SPTB: variants seen among roughly 807,000 people sequenced by gnomAD.
SPTB encodes the protein spectrin beta chain, erythrocytic.
Under a neutral mutation model 256.2 loss-of-function variants are expected in SPTB, and 45 were observed. The observed-to-expected ratio is 0.18, with a 90% CI of 0.14 to 0.23. The LOEUF (loss-of-function observed/expected upper bound fraction) is 0.23, where lower values mean the gene tolerates loss of function less well. Among genes scored for constraint, SPTB ranks in the 10% least tolerant of loss-of-function variants. The pLI is 1.00. For synonymous variants in SPTB, 1,231 were observed against 1,243.1 expected (o/e 0.99, Z 0.21); for missense variants, 2,715 against 3,040.4 (o/e 0.89, Z 2.52).
At position 64,841,709 on chromosome 14, in the gene SPTB, C is replaced by T. The variant is rs1027145774; in HGVS notation, c.-51-18564G>A. 9.9e-5 allele frequency among the ~76,000 whole-genome samples: 15 copies of T among 151,800 alleles called. No individual in the cohort carries two copies. Among genetic ancestry groups the T allele is most frequent in the Admixed American group, 9.2e-4 (14 of 15,236 alleles). Reference sequence around the variant, plus strand: ...TGGCAGAGTCAGAGGGAAATGTCTACGTCTAATCTCCCAGCTGCCCTCTGA... The same window carrying T: ...TGGCAGAGTCAGAGGGAAATGTCTATGTCTAATCTCCCAGCTGCCCTCTGA... On this transcript the variant is annotated intron_variant, in intron 1 of 35. Coordinates refer to ENST00000644917, the MANE Select transcript of SPTB (RefSeq NM_001355436.2). The surrounding 1 kb of genome is among the most constrained non-coding windows in gnomAD (Gnocchi z 4.6).
Position 64,749,114 on chromosome 14 carries a change from G to A in SPTB, c.*192C>T. On this transcript the variant is annotated 3_prime_UTR_variant, in exon 36 of 36. Transcript: ENST00000644917. The surrounding 1 kb of genome is among the most constrained non-coding windows in gnomAD (Gnocchi z 4.7). ...CCTGGAGCGGAGCCAGCGCGGGCGA[G>A]GGCATGGAGGGGGCGTCGGCCCAGG... 1.7e-6 allele frequency: 1 copy of A among 581,976 alleles called. No individual in the cohort carries two copies. Among genetic ancestry groups the A allele is most frequent in the Non-Finnish European group, 2.9e-6 (1 of 350,304 alleles). 36.1% of individuals were successfully genotyped at this position (581,976 alleles called of 1,614,324 possible). A position where few individuals can be genotyped will look rare whatever the true frequency, so the allele number is the denominator to read the frequency against.
intron 1 of SPTB, among the ~76,000 whole-genome samples, chr14:64,855,966 G>A (rs1039014402): frequency 5.3e-5 from 8 of 152,218 alleles, no homozygotes; most frequent in Admixed American, 2.6e-4. Context: ...GCAGAGCTGC[G>A]GAAGCACTGG....
At chr14:64,833,585 TACC>T (rs2083480096) in intron 1 of SPTB, among the ~76,000 whole-genome samples, 1 of 151,852 alleles carries the variant, frequency 6.6e-6, no homozygotes, top group South Asian at 2.1e-4. Flanking sequence ...CTCCCACGTC[TACC>T]ACCATCCCCT....
At position 64,878,773 on chromosome 14, in the gene SPTB, T is replaced by TC. The variant is rs907940602; in HGVS notation, c.-52+1018dup. ...TCAGTACAAAAAGGCTGTCACTATATCCCCCCACCCCACCCCCCAATCTGA... is the reference window on the plus strand; with the variant it reads ...TCAGTACAAAAAGGCTGTCACTATATCCCCCCCACCCCACCCCCCAATCTGA... On this transcript the variant is annotated intron_variant, in intron 1 of 35. Transcript: ENST00000644917. Among the ~76,000 whole-genome samples, 70 of 150,080 alleles carry TC rather than the reference T, an allele frequency of 4.7e-4. 1 individual carries two copies. Among genetic ancestry groups the TC allele is most frequent in the African/African-American group, 1.7e-3 (67 of 40,414 alleles).
intron 1 of SPTB, among the ~76,000 whole-genome samples, chr14:64,829,073 A>C (rs925673497): frequency 2.0e-5 from 3 of 152,198 alleles, no homozygotes; most frequent in African/African-American, 7.2e-5. Flanking sequence ...CACCAAGAAC[A>C]GGACAATTAG....
chr14:64,811,530 G>A (rs1246574280), intron 2 of SPTB, among the ~76,000 whole-genome samples: 1 of 152,176 alleles, frequency 6.6e-6, no homozygotes, highest in Admixed American at 6.5e-5. Flanking sequence ...ATGGTATCAT[G>A]GTTAGGTGGA....
intron 1 of SPTB, among the ~76,000 whole-genome samples, chr14:64,869,622 T>A (rs1210946977): frequency 8.2e-6 from 1 of 122,410 alleles, no homozygotes; most frequent in East Asian, 2.3e-4. Context: ...ATTTTTTAAA[T>A]TTTTTTTTTT....
intron 2 of SPTB, among the ~76,000 whole-genome samples, chr14:64,812,254 A>C (rs1695779): frequency 0.12 from 17,806 of 152,160 alleles, 1,808 homozygotes; most frequent in African/African-American, 0.27. Context: ...CAGCCTAAAG[A>C]AAATATTAAC....
intron 1 of SPTB, among the ~76,000 whole-genome samples, chr14:64,872,817 T>A (rs1882614324): frequency 6.6e-6 from 1 of 152,160 alleles, no homozygotes; most frequent in South Asian, 2.1e-4. Flanking sequence ...AGAAGTCTCA[T>A]GAGATTTGAT....
chr14:64,836,668 C>T (rs998025386), intron 1 of SPTB, among the ~76,000 whole-genome samples: 8 of 152,244 alleles, frequency 5.3e-5, no homozygotes, highest in African/African-American at 1.4e-4. Context: ...CATCCTACTT[C>T]GAAACAAACT....
chr14:64,766,336 A>T, intron 32 of SPTB: 1 of 1,188,732 alleles, frequency 8.4e-7, no homozygotes, highest in Non-Finnish European at 1.1e-6. Context: ...AGTACTGCCT[A>T]GAGGAAGGAG....
Position 64,751,024 on chromosome 14 carries a change from T to C in SPTB, c.6603-870A>G, listed in dbSNP as rs549325746. Among the ~76,000 whole-genome samples, 527 of 145,760 alleles carry C rather than the reference T, an allele frequency of 3.6e-3. 5 individuals carry two copies. Among genetic ancestry groups the C allele is most frequent in the Non-Finnish European group, 5.6e-3 (371 of 66,652 alleles). ...ACATTATATATTATACATTATGTTA[T>C]ATATTATATATGTAGCAATTATATA... On this transcript the variant is annotated intron_variant, in intron 33 of 35. Coordinates refer to ENST00000644917, the MANE Select transcript of SPTB (RefSeq NM_001355436.2).
At chr14:64,765,809 TGTGTGTGTGTGA>T (rs1245028347) in intron 32 of SPTB, among the ~76,000 whole-genome samples, 1 of 143,562 alleles carries the variant, frequency 7.0e-6, no homozygotes, top group Non-Finnish European at 1.5e-5. Flanking sequence ...GATTGGGGTG[TGTGTGTGTGTGA>T]GTGTGTGTGT....
intron 19 of SPTB, among the ~76,000 whole-genome samples, chr14:64,782,817 TAAA>T (rs58435859): frequency 4.1e-5 from 5 of 123,058 alleles, no homozygotes; most frequent in East Asian, 2.3e-4. Context: ...GTTGATGAGT[TAAA>T]AAAAAAAAAA....
chr14:64,869,965 C>G (rs1320291618), intron 1 of SPTB, among the ~76,000 whole-genome samples: 2 of 151,840 alleles, frequency 1.3e-5, no homozygotes, highest in Non-Finnish European at 2.9e-5. Flanking sequence ...TGAGCCACTC[C>G]CCTCCATGTA....
Position 64,772,906 on chromosome 14 carries a change from C to T in SPTB, c.5227G>A (p.Gly1743Arg). ...TTCACATTGTCCACCCGCTCCTGCCCAATCGCCCCGGTCTCCCGGGCAAAG... is the reference window on the plus strand; with the variant it reads ...TTCACATTGTCCACCCGCTCCTGCCTAATCGCCCCGGTCTCCCGGGCAAAG... Reference protein sequence around the residue: ...RDFARETGAIGQERVDNVNAF... With the variant: ...RDFARETGAIRQERVDNVNAF... Residue 1743 changes from glycine to arginine, a missense_variant, in exon 26 of 36, where the codon GGG becomes AGG. Coordinates refer to ENST00000644917, the MANE Select transcript of SPTB (RefSeq NM_001355436.2). The surrounding 1 kb of genome is among the most constrained non-coding windows in gnomAD (Gnocchi z 5.4). The T allele has an allele frequency of 6.2e-7, 1 of 1,605,336 alleles. No homozygotes were observed. Among genetic ancestry groups the T allele is most frequent in the Non-Finnish European group, 8.5e-7 (1 of 1,174,182 alleles).
At position 64,845,377 on chromosome 14, in the gene SPTB, G is replaced by A. The variant is rs371618107; in HGVS notation, c.-51-22232C>T. Among the ~76,000 whole-genome samples, 1 of 152,212 alleles carries A rather than the reference G, an allele frequency of 6.6e-6. No homozygotes were observed. Among genetic ancestry groups the A allele is most frequent in the Admixed American group, 6.5e-5 (1 of 15,286 alleles). ...TGAATACAGAACAGATACTGGCTGT[G>A]TGGCACAAGTGGCTGTGTGCCTTTG... On this transcript the variant is annotated intron_variant, in intron 1 of 35. Transcript: ENST00000644917. The surrounding 1 kb of genome is among the most constrained non-coding windows in gnomAD (Gnocchi z 4.8).
rs1285245929 is a variant in SPTB at position 64,803,746 on chromosome 14, C to A, written c.335G>T (p.Cys112Phe). The A allele has an allele frequency of 5.6e-6, 9 of 1,613,730 alleles. No homozygotes were observed. The highest frequency in any genetic ancestry group is 7.6e-6 in the Non-Finnish European group (9 of 1,179,882). The change falls in exon 4 of 36, where the codon TGC (cysteine) becomes TTC (phenylalanine). Residue 112 changes from cysteine to phenylalanine, a missense_variant. Cys to Phe is a radical substitution (Grantham distance 205). Around this residue, in one of 4 missense-constraint regions of SPTB, gnomAD observed 416 missense variants for 571.1 expected, o/e 0.73. Transcript: ENST00000644917. ...GAGAGCCTTGTCCACATTCTCCAGGCAGTGGATGCGCATCTTCCCCTTGGT... is the reference window on the plus strand; with the variant it reads ...GAGAGCCTTGTCCACATTCTCCAGGAAGTGGATGCGCATCTTCCCCTTGGT... Reference protein sequence around the residue: ...KPTKGKMRIHCLENVDKALQF... With the variant: ...KPTKGKMRIHFLENVDKALQF...
At chr14:64,800,642 TG>T in intron 8 of SPTB, 113 bp downstream of exon 8, 5 of 903,128 alleles carry the variant, frequency 5.5e-6, no homozygotes, top group Non-Finnish European at 5.4e-6. Context: ...TAGAGGAAGT[TG>T]GGGGGTGGGT....
Sources: gnomAD v4.1 joint callset for allele counts (sites outside exome capture counted in the v4.1 genomes callset) on GRCh38, gnomAD v4.1.1 for gene constraint, gnomAD v4.1.1 regional missense constraint, Gnocchi (gnomAD v3.1) non-coding constraint, MANE v1.5 for transcripts, NCBI Gene and HGNC (gene_info 2026-07-23, HGNC 2026-07-21) for gene names.